SCLT1: variants seen among roughly 807,000 people sequenced by gnomAD.
The protein encoded by SCLT1 is sodium channel-associated protein 1.
Under a neutral mutation model 112.8 loss-of-function variants are expected in SCLT1, and 78 were observed. The ratio of observed to expected loss-of-function variants is 0.69; its 90% CI spans 0.58 to 0.83. The LOEUF (loss-of-function observed/expected upper bound fraction) is 0.83, where lower values mean the gene tolerates loss of function less well. SCLT1 is among the 40% of genes least tolerant of loss of function. SCLT1 has a pLI of 0.00. For missense variants in SCLT1, 747 were observed against 770.4 expected, an observed-to-expected ratio of 0.97 and a Z score of 0.36; for synonymous variants, 257 against 254.7, an observed-to-expected ratio of 1.01 and a Z score of -0.09.
chr4:128,881,868 T>C (rs1438656677), downstream of SCLT1, among the ~76,000 whole-genome samples: 1 of 152,208 alleles, frequency 6.6e-6, no homozygotes, highest in East Asian at 1.9e-4. Flanking sequence ...AGCTTAAGCC[T>C]GTTCAAATTC....
chr4:128,944,698 C>T (rs1353071507), intron 16 of SCLT1: 1 of 152,140 alleles, frequency 6.6e-6, no homozygotes, highest in Non-Finnish European at 1.5e-5. Context: ...AAAAGTTCAT[C>T]AAATATACTT....
chr4:128,945,651 T>A (rs1304195573), intron 16 of SCLT1, among the ~76,000 whole-genome samples: 1 of 152,046 alleles, frequency 6.6e-6, no homozygotes, highest in Non-Finnish European at 1.5e-5. Flanking sequence ...GATGGATCAT[T>A]ATAGAATATT....
At chr4:129,072,476 T>A (rs968222077) in intron 2 of SCLT1, among the ~76,000 whole-genome samples, 5 of 152,162 alleles carry the variant, frequency 3.3e-5, no homozygotes, top group Non-Finnish European at 7.3e-5. Context: ...AATTCCAGAC[T>A]TCTTGGAGGC....
At chr4:128,915,788 A>T (rs1406793053) in intron 18 of SCLT1, among the ~76,000 whole-genome samples, 2 of 152,356 alleles carry the variant, frequency 1.3e-5, no homozygotes, top group Non-Finnish European at 2.9e-5. Context: ...CTCTTTTAAG[A>T]GCTAGGGATA....
At chr4:128,966,943 G>A (rs759195265) in intron 10 of SCLT1, among the ~76,000 whole-genome samples, 36 of 151,352 alleles carry the variant, frequency 2.4e-4, no homozygotes, top group Non-Finnish European at 4.4e-4. Flanking sequence ...TTGGTATACC[G>A]ATTATTTTGC....
rs749365091 is a variant in SCLT1, at chr4:128,952,858, T to G, written c.1147-18A>C. On this transcript the variant is annotated intron_variant, in intron 13 of 20. Coordinates refer to ENST00000281142, the MANE Select transcript of SCLT1 (RefSeq NM_144643.4). The stretch of plus-strand genomic sequence containing the variant: ...TTTGCAACCTGTAAATTAAGACATT[T>G]ACTCATTATTTGGTTCTAGAATAAA... The G allele has an allele frequency of 2.5e-6, 3 of 1,206,638 alleles. No individual in the cohort carries two copies. The highest frequency in any genetic ancestry group is 2.4e-5 in the South Asian group (2 of 82,258). The allele number at this position is 1,206,638 out of a possible 1,614,324, so 74.7% of individuals were successfully genotyped here.
intron 18 of SCLT1, among the ~76,000 whole-genome samples, chr4:128,898,343 C>A (rs1733965095): frequency 6.6e-6 from 1 of 152,204 alleles, no homozygotes; most frequent in Admixed American, 6.5e-5. Context: ...ACAGTGCAAT[C>A]AAACTAGAGC....
rs1732738195 is a variant in SCLT1, at chr4:128,884,440, C to T, written c.*37G>A. 7 of 1,305,674 alleles carry T rather than the reference C, an allele frequency of 5.4e-6. No homozygotes were observed. The highest frequency in any genetic ancestry group is 7.8e-6 in the Non-Finnish European group (7 of 902,708). The allele number at this position is 1,305,674 out of a possible 1,614,324, so 80.9% of individuals were successfully genotyped here. On this transcript the variant is annotated 3_prime_UTR_variant, in exon 21 of 21. Transcript: ENST00000281142. Reference sequence around the variant, plus strand: ...ATACACTTCTAGTCCAACTGCTTTCCCAACTCTAAAGTTCTGTGAGTGAAC... The same window carrying T: ...ATACACTTCTAGTCCAACTGCTTTCTCAACTCTAAAGTTCTGTGAGTGAAC...
intron 18 of SCLT1, among the ~76,000 whole-genome samples, chr4:128,911,414 T>C (rs1003791899): frequency 2.6e-5 from 4 of 152,222 alleles, no homozygotes; most frequent in African/African-American, 9.6e-5. Context: ...TTCTTTGTGA[T>C]ACATACATTG....
chr4:129,085,972 T>A (rs545693291), intron 1 of SCLT1, among the ~76,000 whole-genome samples: 1 of 152,084 alleles, frequency 6.6e-6, no homozygotes, highest in Non-Finnish European at 1.5e-5. Flanking sequence ...AGTTTACCTA[T>A]ATAACAAACC....
Position 128,894,857 on chromosome 4 carries a change from T to C in SCLT1, c.1830-3720A>G, listed in dbSNP as rs536361031. 9.9e-5 allele frequency among the ~76,000 whole-genome samples: 15 copies of C among 152,256 alleles called. No homozygotes were observed. The East Asian group carries it at 2.9e-3, about 29-fold the overall frequency. On this transcript the variant is annotated intron_variant, in intron 18 of 20. Coordinates refer to ENST00000281142, the MANE Select transcript of SCLT1 (RefSeq NM_144643.4). ...CATGCCCAACTAATTTTTGTATTTT[T>C]AGTAGAGATGGGGTATCACCATGTT... is the stretch of plus-strand genomic sequence containing the variant.
chr4:128,910,224 A>G (rs1469696164), intron 18 of SCLT1, among the ~76,000 whole-genome samples: 1 of 152,204 alleles, frequency 6.6e-6, no homozygotes, highest in Non-Finnish European at 1.5e-5. Flanking sequence ...ATTCCCACCT[A>G]TACTGTATGA....
chr4:128,921,694 C>G (rs554612088), intron 18 of SCLT1, among the ~76,000 whole-genome samples: 1 of 152,042 alleles, frequency 6.6e-6, no homozygotes, highest in East Asian at 1.9e-4. Context: ...TACAAAAACC[C>G]AGAAAGATAA....
At chr4:128,989,809 A>C (rs559911562) in intron 9 of SCLT1, among the ~76,000 whole-genome samples, 1 of 151,972 alleles carries the variant, frequency 6.6e-6, no homozygotes, top group South Asian at 2.1e-4. Context: ...ATCATAAGAA[A>C]CTATTATGAG....
chr4:129,067,469 T>C (rs575126397), intron 2 of SCLT1, among the ~76,000 whole-genome samples: 5 of 151,922 alleles, frequency 3.3e-5, no homozygotes, highest in Admixed American at 6.6e-5. Context: ...AACTGATTTA[T>C]CCTAGACTAC....
chr4:128,987,055 C>T (rs781411591), intron 9 of SCLT1, among the ~76,000 whole-genome samples: 2 of 152,148 alleles, frequency 1.3e-5, no homozygotes, highest in Non-Finnish European at 2.9e-5. Context: ...GTAGGAGGAT[C>T]TAAGAGCTGC....
intron 11 of SCLT1, among the ~76,000 whole-genome samples, chr4:128,962,056 C>T (rs374747119): frequency 6.6e-6 from 1 of 152,144 alleles, no homozygotes; most frequent in Non-Finnish European, 1.5e-5. Context: ...TATACAGATC[C>T]AGCCCTGACC....
chr4:129,051,053 C>T (rs1010834405), intron 2 of SCLT1, among the ~76,000 whole-genome samples: 2 of 152,064 alleles, frequency 1.3e-5, no homozygotes, highest in Non-Finnish European at 2.9e-5. Context: ...GGTGTTATTT[C>T]TGAGGCCTCT....
chr4:128,918,409 A>G (rs1262369178), intron 18 of SCLT1, among the ~76,000 whole-genome samples: 2 of 152,352 alleles, frequency 1.3e-5, no homozygotes, highest in Middle Eastern at 3.4e-3. Flanking sequence ...AAGTATTAAC[A>G]GTGCAATCAA....
Sources: allele counts gnomAD v4.1 joint callset (sites outside exome capture counted in the v4.1 genomes callset), GRCh38; gene constraint gnomAD v4.1.1; transcripts MANE v1.5; gene names NCBI Gene and HGNC (gene_info 2026-07-23, HGNC 2026-07-21).